Variants in SMAP1 observed in about 807,000 individuals in gnomAD.
SMAP1 encodes the protein stromal membrane-associated protein 1.
SMAP1 carries 24 observed loss-of-function variants against 58.5 expected under a neutral mutation model. That is an observed-to-expected ratio of 0.41 (90% CI 0.30 to 0.58). The LOEUF (loss-of-function observed/expected upper bound fraction) is 0.58. Among genes scored for constraint, SMAP1 ranks in the 20% least tolerant of loss-of-function variants. The probability of loss-of-function intolerance (pLI) is 0.29; values close to 1 mark genes in which losing one functional copy is unlikely to be tolerated. For missense variants in SMAP1, 563 were observed against 566.3 expected, an observed-to-expected ratio of 0.99 and a Z score of 0.06; for synonymous variants, 216 against 196.6, an observed-to-expected ratio of 1.10 and a Z score of -0.82.
intron 2 of SMAP1, among the ~76,000 whole-genome samples, chr6:70,752,796 A>G (rs1302151395): frequency 6.6e-6 from 1 of 151,990 alleles, no homozygotes; most frequent in Non-Finnish European, 1.5e-5. Flanking sequence ...GCTTACCAAT[A>G]TATTTTTTAT....
chr6:70,766,185 G>A (rs1367943260), intron 3 of SMAP1, among the ~76,000 whole-genome samples: 1 of 152,068 alleles, frequency 6.6e-6, no homozygotes, highest in Non-Finnish European at 1.5e-5. Context: ...TTGCTATTGT[G>A]AATAGTGCCA....
intron 2 of SMAP1, among the ~76,000 whole-genome samples, chr6:70,738,857 G>A (rs1765713450): frequency 6.6e-6 from 1 of 152,124 alleles, no homozygotes; most frequent in Admixed American, 6.6e-5. Flanking sequence ...GAGATGTTTA[G>A]GATTATAAGA....
intron 6 of SMAP1, among the ~76,000 whole-genome samples, chr6:70,804,400 T>A (rs1769021192): frequency 1.3e-5 from 2 of 151,956 alleles, no homozygotes. Context: ...GCAGGTGAGA[T>A]GGGTCTCCTG....
chr6:70,837,810 G>C, intron 7 of SMAP1: 2 of 1,258,124 alleles, frequency 1.6e-6, no homozygotes, highest in Non-Finnish European at 2.1e-6. Flanking sequence ...GGAAAAGAGT[G>C]AAAGGCAGTT....
chr6:70,763,106 C>CTTATTTTTT (rs1766820649), intron 3 of SMAP1, among the ~76,000 whole-genome samples: 1 of 84,462 alleles, frequency 1.2e-5, no homozygotes, highest in African/African-American at 4.9e-5. Context: ...ACAGATATTA[C>CTTATTTTTT]TTTTTTTTTT....
chr6:70,716,612 G>A (rs1035622607), intron 1 of SMAP1, among the ~76,000 whole-genome samples: 4 of 151,970 alleles, frequency 2.6e-5, no homozygotes, highest in African/African-American at 7.3e-5. Flanking sequence ...GACCTGTCTT[G>A]GAGTTCACTG....
At chr6:70,777,428 T>C (rs1767592085) in intron 4 of SMAP1, among the ~76,000 whole-genome samples, 2 of 152,234 alleles carry the variant, frequency 1.3e-5, no homozygotes, top group African/African-American at 4.8e-5. Flanking sequence ...GAGAAATGTC[T>C]ATTCAGATCT....
At chr6:70,833,154 G>T (rs1483496183) in intron 6 of SMAP1, among the ~76,000 whole-genome samples, 2 of 152,096 alleles carry the variant, frequency 1.3e-5, no homozygotes, top group African/African-American at 2.4e-5. Flanking sequence ...ATTTTAGAAG[G>T]ATTCCTTACC....
intron 4 of SMAP1, among the ~76,000 whole-genome samples, chr6:70,785,789 C>G (rs995524973): frequency 1.5e-4 from 23 of 152,330 alleles, no homozygotes; most frequent in Admixed American, 9.2e-4. Flanking sequence ...ATAACAGGCT[C>G]TGAAATTGTG....
intron 1 of SMAP1, among the ~76,000 whole-genome samples, chr6:70,702,941 GTCTT>G (rs1767694863): frequency 6.6e-6 from 1 of 152,100 alleles, no homozygotes; most frequent in African/African-American, 2.4e-5. Flanking sequence ...CCCATGTTCA[GTCTT>G]TCTTATAGCT....
chr6:70,710,848 A>G (rs1393650388), intron 1 of SMAP1, among the ~76,000 whole-genome samples: 1 of 152,046 alleles, frequency 6.6e-6, no homozygotes, highest in African/African-American at 2.4e-5. Flanking sequence ...GCTTTTGTCT[A>G]TTATTATTAT....
chr6:70,771,251 T>C (rs1001837815), intron 3 of SMAP1, among the ~76,000 whole-genome samples: 3 of 152,228 alleles, frequency 2.0e-5, no homozygotes, highest in African/African-American at 4.8e-5. Context: ...TCTCCAGCTG[T>C]GTGCTGGGAG....
chr6:70,692,487 C>T (rs1220206523), intron 1 of SMAP1, among the ~76,000 whole-genome samples: 3 of 152,142 alleles, frequency 2.0e-5, no homozygotes, highest in Non-Finnish European at 2.9e-5. Context: ...TTGTGGGGTA[C>T]TACTCAAGAA....
At chr6:70,733,121 A>G (rs1266648734) in intron 2 of SMAP1, among the ~76,000 whole-genome samples, 1 of 152,214 alleles carries the variant, frequency 6.6e-6, no homozygotes, top group African/African-American at 2.4e-5. Context: ...GAGTACTTCT[A>G]CTGGTCTTAT....
chr6:70,692,551 T>G (rs1183039447), intron 1 of SMAP1, among the ~76,000 whole-genome samples: 1 of 152,234 alleles, frequency 6.6e-6, no homozygotes, highest in African/African-American at 2.4e-5. Flanking sequence ...TAGTTTGAGG[T>G]CTTAGATTTA....
chr6:70,741,255 A>G (rs1489726899), intron 2 of SMAP1, among the ~76,000 whole-genome samples: 1 of 152,126 alleles, frequency 6.6e-6, no homozygotes, highest in Non-Finnish European at 1.5e-5. Flanking sequence ...AGTCCCTTCC[A>G]CCTATGAGCC....
chr6:70,859,412 AGTAG>A, intron 10 of SMAP1: 1 of 1,545,476 alleles, frequency 6.5e-7, no homozygotes, highest in East Asian at 2.4e-5. Context: ...AATGTCCTTT[AGTAG>A]GTATGAAGAC....
At chr6:70,773,944 A>G (rs553397809) in intron 4 of SMAP1, among the ~76,000 whole-genome samples, 1 of 152,340 alleles carries the variant, frequency 6.6e-6, no homozygotes, top group African/African-American at 2.4e-5. Flanking sequence ...GTTTCAGTCA[A>G]TGACAGACTG....
chr6:70,824,533 A>C (rs1770032370), intron 6 of SMAP1, among the ~76,000 whole-genome samples: 1 of 152,154 alleles, frequency 6.6e-6, no homozygotes, highest in Non-Finnish European at 1.5e-5. Context: ...AAATCAAGAA[A>C]AATTAAAATT....
Sources: gnomAD v4.1 joint callset for allele counts (sites outside exome capture counted in the v4.1 genomes callset) on GRCh38, gnomAD v4.1.1 for gene constraint, MANE v1.5 for transcripts, NCBI Gene and HGNC (gene_info 2026-07-23, HGNC 2026-07-21) for gene names.